Variants in PIK3CA observed in about 807,000 individuals in gnomAD.
PIK3CA encodes phosphatidylinositol 4,5-bisphosphate 3-kinase catalytic subunit alpha isoform.
A neutral mutation model predicts 138.2 loss-of-function variants in PIK3CA; 27 were observed. The observed-to-expected ratio is 0.20, with a 90% confidence interval of 0.14 to 0.27. The LOEUF (loss-of-function observed/expected upper bound fraction) is 0.27. PIK3CA is among the 10% of genes least tolerant of loss of function. The probability of loss-of-function intolerance (pLI) is 1.00; values close to 1 mark genes in which losing one functional copy is unlikely to be tolerated. For synonymous variants in PIK3CA, 358 were observed against 413.2 expected (o/e 0.87, Z 1.62); for missense variants, 544 against 1,277.4 (o/e 0.43, Z 8.75).
At chr3:179,165,987 A>G (rs1287345644) in intron 1 of PIK3CA, among the ~76,000 whole-genome samples, 1 of 152,056 alleles carries the variant, frequency 6.6e-6, no homozygotes, top group East Asian at 2.0e-4. Flanking sequence ...CAACACACAT[A>G]TACTAAATTA....
At chr3:179,152,157 GT>G (rs1723029288) in intron 1 of PIK3CA, among the ~76,000 whole-genome samples, 1 of 152,146 alleles carries the variant, frequency 6.6e-6, no homozygotes, top group Admixed American at 6.5e-5. Context: ...CACTAAAAAT[GT>G]ACAACCCTGA....
chr3:179,215,490 C>T (rs10936994), intron 9 of PIK3CA, among the ~76,000 whole-genome samples: 38,596 of 151,410 alleles, frequency 0.25, 5,843 homozygotes, highest in African/African-American at 0.42. Flanking sequence ...GAAATTACTT[C>T]ATCCATATTC....
chr3:179,176,667 C>T (rs1723705035), intron 1 of PIK3CA, among the ~76,000 whole-genome samples: 2 of 152,116 alleles, frequency 1.3e-5, no homozygotes, highest in African/African-American at 4.8e-5. Flanking sequence ...ATATTATCAG[C>T]TATATAGTAC....
chr3:179,149,780 A>T (rs1156698950), intron 1 of PIK3CA: 1 of 152,236 alleles, frequency 6.6e-6, no homozygotes, highest in East Asian at 1.9e-4. Context: ...CACTGAGGGC[A>T]ATATTGGTCA....
Position 179,229,996 on chromosome 3 carries a change from C to T in PIK3CA, c.2667-8C>T, listed in dbSNP as rs1412156630. On this transcript the variant is annotated splice_polypyrimidine_tract_variant and splice_region_variant and intron_variant, in intron 18 of 20. Transcript: ENST00000263967. ...CCATACTACTCATGAGGTGTTTATT[C>T]TTTGTAGATATGATGCAGCCATTGA... is the stretch of plus-strand genomic sequence containing the variant. 6.3e-7 allele frequency: 1 copy of T among 1,590,644 alleles called. No homozygotes were observed. Among genetic ancestry groups the T allele is most frequent in the Non-Finnish European group, 8.6e-7 (1 of 1,160,184 alleles).
In PIK3CA at chr3:179,230,173, C is replaced by A. The variant is rs910224129; in HGVS notation, c.2784+52C>A. 6.4e-7 allele frequency: 1 copy of A among 1,559,248 alleles called. No homozygotes were observed. The highest frequency in any genetic ancestry group is 8.8e-7 in the Non-Finnish European group (1 of 1,131,360). ...TTTGGTGTTCTTAATTTATTCAAGA[C>A]ATTTTGTATCTGCATATATCAAACT... On this transcript the variant is annotated intron_variant, in intron 19 of 20. Transcript: ENST00000263967. This position sits in a 1 kb window ranked among gnomAD's most constrained non-coding sequence, Gnocchi z 5.4.
chr3:179,157,954 T>G (rs553604353), intron 1 of PIK3CA, among the ~76,000 whole-genome samples: 1 of 152,252 alleles, frequency 6.6e-6, no homozygotes, highest in African/African-American at 2.4e-5. Flanking sequence ...AAATAAATAA[T>G]ACTTGAAAGC....
At position 179,234,443 on chromosome 3, in the gene PIK3CA, TG is replaced by T; in HGVS notation, c.*80del. ...TAACTCTCAGCAGGCAAAGACCGAT[TG>T]CATAGGAATTGCACAATCCATGAAC... On this transcript the variant is annotated 3_prime_UTR_variant, in exon 21 of 21. Coordinates refer to ENST00000263967, the MANE Select transcript of PIK3CA (RefSeq NM_006218.4). The surrounding 1 kb of genome is among the most constrained non-coding windows in gnomAD (Gnocchi z 5.1). The T allele has an allele frequency of 8.5e-7, 1 of 1,178,020 alleles. No homozygotes were observed. The highest frequency in any genetic ancestry group is 1.2e-6 in the Non-Finnish European group (1 of 832,636). 73.0% of individuals were successfully genotyped at this position (1,178,020 alleles called of 1,614,324 possible).
chr3:179,207,732 C>G (rs547324455), intron 6 of PIK3CA, among the ~76,000 whole-genome samples: 1 of 152,206 alleles, frequency 6.6e-6, no homozygotes, highest in East Asian at 1.9e-4. Flanking sequence ...GTTGGCCAGA[C>G]TGGCTTCGAA....
Position 179,234,248 on chromosome 3 carries a change from A to G in PIK3CA, c.3091A>G (p.Thr1031Ala). ...YIRKTLALDK[T>A]EQEALEYFMK... is the part of the protein sequence containing the mutation. ...TCGAAAGACCCTAGCCTTAGATAAA[A>G]CTGAGCAAGAGGCTTTGGAGTATTT... The change falls in exon 21 of 21, where the codon ACT (threonine) becomes GCT (alanine). Residue 1031 changes from threonine (T) to alanine (A), a missense_variant. Thr to Ala is a moderately conservative substitution (Grantham distance 58). Transcript: ENST00000263967. This position sits in a 1 kb window ranked among gnomAD's most constrained non-coding sequence, Gnocchi z 5.1. The G allele has an allele frequency of 1.2e-6, 2 of 1,613,766 alleles. No individual in the cohort carries two copies. The highest frequency in any genetic ancestry group is 1.7e-6 in the Non-Finnish European group (2 of 1,179,770).
chr3:179,201,586 TCAC>T, intron 4 of PIK3CA, 46 bp downstream of exon 4: 1 of 1,288,444 alleles, frequency 7.8e-7, no homozygotes, highest in Non-Finnish European at 1.1e-6. Context: ...TAAAAAGTAA[TCAC>T]ATTGAGGATG....
intron 4 of PIK3CA, among the ~76,000 whole-genome samples, chr3:179,202,939 G>GT (rs372017091): frequency 0.19 from 22,177 of 118,982 alleles, 2,536 homozygotes; most frequent in South Asian, 0.26. Flanking sequence ...TGTGATCCTT[G>GT]TTTTTTTTTT....
chr3:179,201,224 G>T, intron 3 of PIK3CA, 66 bp from the exon 4 acceptor site: 1 of 1,349,696 alleles, frequency 7.4e-7, no homozygotes, highest in Non-Finnish European at 1.0e-6. Flanking sequence ...GTGAATACTT[G>T]TTGAAATTTC....
At chr3:179,157,079 C>CT (rs1723156461) in intron 1 of PIK3CA, among the ~76,000 whole-genome samples, 1 of 152,128 alleles carries the variant, frequency 6.6e-6, no homozygotes, top group African/African-American at 2.4e-5. Context: ...AAATTAGACA[C>CT]TACTTACAAA....
At chr3:179,184,182 G>A (rs1351355640) in intron 1 of PIK3CA, among the ~76,000 whole-genome samples, 1 of 152,196 alleles carries the variant, frequency 6.6e-6, no homozygotes, top group African/African-American at 2.4e-5. Context: ...CTGCTGCAAA[G>A]CAAATTGGTG....
intron 6 of PIK3CA, among the ~76,000 whole-genome samples, chr3:179,207,973 C>G (rs534382287): frequency 1.3e-5 from 2 of 152,196 alleles, no homozygotes; most frequent in South Asian, 4.1e-4. Context: ...TCACTTGAGC[C>G]CAGGAGTTCG....
intron 1 of PIK3CA, among the ~76,000 whole-genome samples, chr3:179,158,154 A>G (rs1420201709): frequency 6.6e-6 from 1 of 152,126 alleles, no homozygotes; most frequent in Non-Finnish European, 1.5e-5. Context: ...GTTGCCTTCA[A>G]ACAAGTTTAG....
At chr3:179,233,349 C>G in intron 20 of PIK3CA, 1 of 398,078 alleles carries the variant, frequency 2.5e-6, no homozygotes, top group Non-Finnish European at 4.4e-6. Context: ...GTGGGTTTGT[C>G]ACATGACTTT....
chr3:179,219,560 C>T lies in PIK3CA; in HGVS notation c.1747-11C>T, dbSNP rs750993863. On this transcript the variant is annotated splice_polypyrimidine_tract_variant and intron_variant, in intron 11 of 20. Coordinates refer to ENST00000263967, the MANE Select transcript of PIK3CA (RefSeq NM_006218.4). The surrounding 1 kb of genome is among the most constrained non-coding windows in gnomAD (Gnocchi z 4.2). ...CCTTTAAATATGATTTATTGTCTTT[C>T]TCATACACAGATGTATTGCTTGGTA... is the stretch of plus-strand genomic sequence containing the variant. 4 of 1,294,334 alleles carry T rather than the reference C, an allele frequency of 3.1e-6. No individual in the cohort carries two copies. In the Admixed American group the frequency reaches 5.3e-5, roughly 17 times the overall value. The allele number at this position is 1,294,334 out of a possible 1,614,324, so 80.2% of individuals were successfully genotyped here.
Sources: allele counts gnomAD v4.1 joint callset (sites outside exome capture counted in the v4.1 genomes callset), GRCh38; gene constraint gnomAD v4.1.1; non-coding constraint Gnocchi (gnomAD v3.1); transcripts MANE v1.5; gene names NCBI Gene and HGNC (gene_info 2026-07-23, HGNC 2026-07-21).